OR6T1: variants seen among roughly 807,000 people sequenced by gnomAD.
OR6T1 encodes the protein olfactory receptor family 6 subfamily T member 1, also known as olfactory receptor 6T1.
For missense variants in OR6T1, 389 were observed against 390.5 expected, an observed-to-expected ratio of 1.00 and a Z score of 0.03; for synonymous variants, 179 against 159.1, an observed-to-expected ratio of 1.13 and a Z score of -0.94.
In OR6T1 at chr11:123,943,263, G is replaced by A. The variant is rs775846844; in HGVS notation, c.576C>T (p.Thr192=). 3 of 1,614,008 alleles carry A rather than the reference G, an allele frequency of 1.9e-6. No homozygotes were observed. Among genetic ancestry groups the A allele is most frequent in the African/African-American group, 1.3e-5 (1 of 74,914 alleles). ...TGAAAGCCACCAGTTTCAGCAGGTG[G>A]GTGTCCCCACAAGAAAGCCTGAGCA... ...WPLLRLSCGD[T]HLLKLVAFML... Residue 192 remains threonine (T), a synonymous_variant, in exon 1 of 1, where the codon ACC becomes ACT. Coordinates refer to ENST00000321252, the MANE Select transcript of OR6T1 (RefSeq NM_001005187.1).
In OR6T1 at chr11:123,943,212, G is replaced by T. The variant is rs147156630; in HGVS notation, c.627C>A (p.Gly209=). 1.2e-6 allele frequency: 2 copies of T among 1,614,166 alleles called. No homozygotes were observed. Among genetic ancestry groups the T allele is most frequent in the South Asian group, 2.2e-5 (2 of 91,080 alleles). Residue 209 remains glycine (G), a synonymous_variant, in exon 1 of 1, where the codon GGC becomes GGA. Transcript: ENST00000321252. The part of the protein sequence containing the change: ...AFMLSTLVLL[G]SLALTSVSYA... ...AGGAAACTGAGGTCAGAGCCAGTGA[G>T]CCCAGTAACACCAACGTAGAGAGCA...
Position 123,942,884 on chromosome 11 carries a change from T to A in OR6T1, c.955A>T (p.Thr319Ser), listed in dbSNP as rs746714272. Reference protein sequence around the residue: ...RLTAVMKLRVTSQRK With the variant: ...RLTAVMKLRVSSQRK Reference sequence around the variant, plus strand: ...TAATAAGATCATTTCCTTTGACTTGTGACCCTCAGTTTCATCACAGCAGTG... The same window carrying A: ...TAATAAGATCATTTCCTTTGACTTGAGACCCTCAGTTTCATCACAGCAGTG... The change falls in exon 1 of 1, where the codon ACA (threonine) becomes TCA (serine). Residue 319 changes from threonine (T) to serine (S), a missense_variant. Transcript: ENST00000321252. 2.5e-6 allele frequency: 4 copies of A among 1,613,574 alleles called. No homozygotes were observed. The highest frequency in any genetic ancestry group is 3.3e-5 in the Admixed American group (2 of 59,920).
In OR6T1 at chr11:123,943,116, G is replaced by C; in HGVS notation, c.723C>G (p.Cys241Trp). 1 of 1,613,992 alleles carries C rather than the reference G, an allele frequency of 6.2e-7. No individual in the cohort carries two copies. Among genetic ancestry groups the C allele is most frequent in the Non-Finnish European group, 8.5e-7 (1 of 1,179,972 alleles). ...TGACCACCACTGTAAGATGCGAGGCGCAAGTGGAAAACGCTTTCCTTCGCT... is the reference window on the plus strand; with the variant it reads ...TGACCACCACTGTAAGATGCGAGGCCCAAGTGGAAAACGCTTTCCTTCGCT... ...AAERRKAFST[C>W]ASHLTVVVII... Residue 241 changes from cysteine to tryptophan, a missense_variant, in exon 1 of 1, where the codon TGC becomes TGG. Coordinates refer to ENST00000321252, the MANE Select transcript of OR6T1 (RefSeq NM_001005187.1).
Position 123,943,051 on chromosome 11 carries a change from G to A in OR6T1, c.788C>T (p.Ser263Leu). 6 of 1,614,162 alleles carry A rather than the reference G, an allele frequency of 3.7e-6. No individual in the cohort carries two copies. Among genetic ancestry groups the A allele is most frequent in the Non-Finnish European group, 5.1e-6 (6 of 1,180,010 alleles). Reference protein sequence around the residue: ...GSSIFLYIRMSEAQSKLLNKG... With the variant: ...GSSIFLYIRMLEAQSKLLNKG... ...GTTGAGCAGTTTGGACTGAGCCTCT[G>A]ACATACGAATGTAGAGAAAGATGGA... The change falls in exon 1 of 1, where the codon TCA (serine) becomes TTA (leucine). Residue 263 changes from serine (S) to leucine (L), a missense_variant. Transcript: ENST00000321252.
At position 123,943,055 on chromosome 11, in the gene OR6T1, T is replaced by C; in HGVS notation, c.784A>G (p.Met262Val). The C allele has an allele frequency of 6.2e-7, 1 of 1,614,122 alleles. No individual in the cohort carries two copies. The highest frequency in any genetic ancestry group is 1.1e-5 in the South Asian group (1 of 91,080). The part of the protein sequence containing the change: ...YGSSIFLYIR[M>V]SEAQSKLLNK... ...AGCAGTTTGGACTGAGCCTCTGACA[T>C]ACGAATGTAGAGAAAGATGGAACTG... Residue 262 changes from methionine (M) to valine (V), a missense_variant, in exon 1 of 1, where the codon ATG (methionine) becomes GTG (valine). Transcript: ENST00000321252.
At position 123,943,779 on chromosome 11, in the gene OR6T1, G is replaced by A. The variant is rs1863492372; in HGVS notation, c.60C>T (p.Ser20=). 1.9e-6 allele frequency: 3 copies of A among 1,613,984 alleles called. No homozygotes were observed. The highest frequency in any genetic ancestry group is 2.5e-6 in the Non-Finnish European group (3 of 1,179,862). The change falls in exon 1 of 1, where the codon AGC becomes AGT. Residue 20 remains serine, a synonymous_variant. Coordinates refer to ENST00000321252, the MANE Select transcript of OR6T1 (RefSeq NM_001005187.1). ...GGAACACCAGGAACTGTATGAGGTGGCTACTGGGGAAACCCAGAAGGACAA... is the reference window on the plus strand; with the variant it reads ...GGAACACCAGGAACTGTATGAGGTGACTACTGGGGAAACCCAGAAGGACAA... ...TSFVLLGFPS[S]HLIQFLVFLG... is the part of the protein sequence containing the mutation.
chr11:123,943,198 G>A lies in OR6T1; in HGVS notation c.641C>T (p.Thr214Ile), dbSNP rs1863483445. Residue 214 changes from threonine to isoleucine, a missense_variant, in exon 1 of 1, where the codon ACC (threonine) becomes ATC (isoleucine). By Grantham distance (89) the Thr-to-Ile change is moderately conservative. Coordinates refer to ENST00000321252, the MANE Select transcript of OR6T1 (RefSeq NM_001005187.1). ...AAGAATGCAGGCATAGGAAACTGAG[G>A]TCAGAGCCAGTGAGCCCAGTAACAC... is the stretch of plus-strand genomic sequence containing the variant. ...TLVLLGSLALTSVSYACILAT... is the reference protein window; with the variant it reads ...TLVLLGSLALISVSYACILAT... The A allele has an allele frequency of 1.2e-6, 2 of 1,614,050 alleles. No homozygotes were observed. The highest frequency in any genetic ancestry group is 2.7e-5 in the African/African-American group (2 of 74,930).
In OR6T1 at chr11:123,943,128, C is replaced by T. The variant is rs114108710; in HGVS notation, c.711G>A (p.Ala237=). The part of the protein sequence containing the change: ...RAPTAAERRK[A]FSTCASHLTV... ...TAAGATGCGAGGCGCAAGTGGAAAA[C>T]GCTTTCCTTCGCTCAGCAGCTGTAG... Residue 237 remains alanine (A), a synonymous_variant, in exon 1 of 1, where the codon GCG becomes GCA. Coordinates refer to ENST00000321252, the MANE Select transcript of OR6T1 (RefSeq NM_001005187.1). 1.7e-3 allele frequency: 2,810 copies of T among 1,614,200 alleles called. 40 individuals are homozygous for T. In the African/African-American group the frequency reaches 0.029, roughly 17 times the overall value.
chr11:123,943,598 T>A lies in OR6T1; in HGVS notation c.241A>T (p.Met81Leu), dbSNP rs748838420. The change falls in exon 1 of 1, where the codon ATG becomes TTG. Residue 81 changes from methionine to leucine, a missense_variant. Coordinates refer to ENST00000321252, the MANE Select transcript of OR6T1 (RefSeq NM_001005187.1). Reference sequence around the variant, plus strand: ...TCCCCCGTGAGGATGACGACAAGCATCTTGGGAACCACAACAGTTACCAGC... The same window carrying A: ...TCCCCCGTGAGGATGACGACAAGCAACTTGGGAACCACAACAGTTACCAGC... ...LLLVTVVVPK[M>L]LVVILTGDHT... is the part of the protein sequence containing the mutation. 1.2e-6 allele frequency: 2 copies of A among 1,614,150 alleles called. No individual in the cohort carries two copies. The highest frequency in any genetic ancestry group is 1.7e-6 in the Non-Finnish European group (2 of 1,180,026).
chr11:123,943,139 G>T lies in OR6T1; in HGVS notation c.700C>A (p.Arg234=). ...TVLRAPTAAE[R]RKAFSTCASH... is the part of the protein sequence containing the mutation. ...GCGCAAGTGGAAAACGCTTTCCTTC[G>T]CTCAGCAGCTGTAGGGGCCCTGAGA... Residue 234 remains arginine (R), a synonymous_variant, in exon 1 of 1, where the codon CGA becomes AGA. Transcript: ENST00000321252. 6.2e-7 allele frequency: 1 copy of T among 1,614,176 alleles called. No individual in the cohort carries two copies. The highest frequency in any genetic ancestry group is 1.7e-5 in the Admixed American group (1 of 60,016).
rs551087134 is a variant in OR6T1 at position 123,943,293 on chromosome 11, C to G, written c.546G>C (p.Trp182Cys). The G allele has an allele frequency of 1.9e-6, 3 of 1,614,094 alleles. No homozygotes were observed. The African/African-American group carries it at 4.0e-5, about 22-fold the overall frequency. ...CCCCACAAGAAAGCCTGAGCAAGGG[C>G]CAACTGTCACGAAAGAAGTGGTCAA... is the stretch of plus-strand genomic sequence containing the variant. ...NGIDHFFRDS[W>C]PLLRLSCGDT... Residue 182 changes from tryptophan to cysteine, a missense_variant, in exon 1 of 1, where the codon TGG becomes TGC. Transcript: ENST00000321252.
In OR6T1 at chr11:123,943,345, CTGGCCATGAGGACAG is replaced by C. The variant is rs1478029610; in HGVS notation, c.479_493del (p.Thr160_Ala164del). The C allele has an allele frequency of 8.1e-6, 13 of 1,614,044 alleles. No individual in the cohort carries two copies. The highest frequency in any genetic ancestry group is 1.7e-5 in the Admixed American group (1 of 60,002). On this transcript the variant is annotated inframe_deletion, in exon 1 of 1. Coordinates refer to ENST00000321252, the MANE Select transcript of OR6T1 (RefSeq NM_001005187.1). Reference sequence around the variant, plus strand: ...ACCATTGGGGCCACAGAAAGGCAGGCTGGCCATGAGGACAGTGGGGCAAAGGACCCAGAGGAATCC... The same window carrying C: ...ACCATTGGGGCCACAGAAAGGCAGGCTGGGGCAAAGGACCCAGAGGAATCC...
rs7937317 is a variant in OR6T1 at position 123,943,088 on chromosome 11, T to C, written c.751A>G (p.Ile251Val). ...CASHLTVVVIIYGSSIFLYIR... is the reference protein window; with the variant it reads ...CASHLTVVVIVYGSSIFLYIR... ...TAGAGAAAGATGGAACTGCCATAGA[T>C]GATGACCACCACTGTAAGATGCGAG... The change falls in exon 1 of 1, where the codon ATC (isoleucine) becomes GTC (valine). Residue 251 changes from isoleucine (I) to valine (V), a missense_variant. Transcript: ENST00000321252. The C allele has an allele frequency of 0.018, 29,713 of 1,614,140 alleles. 1,749 individuals carry two copies. The highest frequency in any genetic ancestry group is 0.17 in the Admixed American group (10,028 of 60,016).
rs1472968304 is a variant in OR6T1 at position 123,943,695 on chromosome 11, G to A, written c.144C>T (p.Leu48=). The part of the protein sequence containing the change: ...TATGKLLIIV[L]SWIDQRLHIQ... The stretch of plus-strand genomic sequence containing the variant: ...TGTGCAGGCGTTGGTCTATCCAGCT[G>A]AGCACAATAATTAGCAGCTTGCCTG... Residue 48 remains leucine (L), a synonymous_variant, in exon 1 of 1, where the codon CTC becomes CTT. Transcript: ENST00000321252. 1.2e-6 allele frequency: 2 copies of A among 1,614,066 alleles called. No homozygotes were observed. Among genetic ancestry groups the A allele is most frequent in the Non-Finnish European group, 1.7e-6 (2 of 1,180,010 alleles).
Position 123,943,227 on chromosome 11 carries a change from C to A in OR6T1, c.612G>T (p.Thr204=), listed in dbSNP as rs561398890. 8.1e-6 allele frequency: 13 copies of A among 1,614,184 alleles called. No homozygotes were observed. Residue 204 remains threonine, a synonymous_variant, in exon 1 of 1, where the codon ACG becomes ACT. Transcript: ENST00000321252. ...GAGCCAGTGAGCCCAGTAACACCAACGTAGAGAGCATGAAAGCCACCAGTT... is the reference window on the plus strand; with the variant it reads ...GAGCCAGTGAGCCCAGTAACACCAAAGTAGAGAGCATGAAAGCCACCAGTT... The part of the protein sequence containing the change: ...LLKLVAFMLS[T]LVLLGSLALT...
chr11:123,943,339 G>A lies in OR6T1; in HGVS notation c.500C>T (p.Pro167Leu). The change falls in exon 1 of 1, where the codon CCT becomes CTT. Residue 167 changes from proline (P) to leucine (L), a missense_variant. Coordinates refer to ENST00000321252, the MANE Select transcript of OR6T1 (RefSeq NM_001005187.1). ...LCPTVLMASL[P>L]FCGPNGIDHF... ...GTCAATACCATTGGGGCCACAGAAA[G>A]GCAGGCTGGCCATGAGGACAGTGGG... 11 of 1,614,170 alleles carry A rather than the reference G, an allele frequency of 6.8e-6. No individual in the cohort carries two copies. The highest frequency in any genetic ancestry group is 9.3e-6 in the Non-Finnish European group (11 of 1,180,030).
Position 123,943,018 on chromosome 11 carries a change from G to A in OR6T1, c.821C>T (p.Ala274Val), listed in dbSNP as rs183374171. The change falls in exon 1 of 1, where the codon GCC (alanine) becomes GTC (valine). Residue 274 changes from alanine (A) to valine (V), a missense_variant. By Grantham distance (64) the Ala-to-Val change is moderately conservative. Coordinates refer to ENST00000321252, the MANE Select transcript of OR6T1 (RefSeq NM_001005187.1). Reference sequence around the variant, plus strand: ...TGTGATGATGCAGCTCAGGACGGAGGCACCTTTGTTGAGCAGTTTGGACTG... The same window carrying A: ...TGTGATGATGCAGCTCAGGACGGAGACACCTTTGTTGAGCAGTTTGGACTG... ...EAQSKLLNKG[A>V]SVLSCIITPL... 477 of 1,614,096 alleles carry A rather than the reference G, an allele frequency of 3.0e-4. 12 individuals are homozygous for A. In the Admixed American group the frequency reaches 7.7e-3, roughly 26 times the overall value.
chr11:123,943,737 G>A lies in OR6T1; in HGVS notation c.102C>T (p.Thr34=), dbSNP rs566613857. The A allele has an allele frequency of 3.1e-6, 5 of 1,614,014 alleles. No homozygotes were observed. Among genetic ancestry groups the A allele is most frequent in the Non-Finnish European group, 4.2e-6 (5 of 1,180,002 alleles). The part of the protein sequence containing the change: ...QFLVFLGLMV[T]YIVTATGKLL... ...GCTTGCCTGTGGCTGTTACAATGTAGGTCACCATTAACCCCAGGAACACCA... is the reference window on the plus strand; with the variant it reads ...GCTTGCCTGTGGCTGTTACAATGTAAGTCACCATTAACCCCAGGAACACCA... Residue 34 remains threonine, a synonymous_variant, in exon 1 of 1, where the codon ACC becomes ACT. Coordinates refer to ENST00000321252, the MANE Select transcript of OR6T1 (RefSeq NM_001005187.1).
Position 123,942,975 on chromosome 11 carries a change from G to A in OR6T1, c.864C>T (p.Phe288=). 6.2e-7 allele frequency: 1 copy of A among 1,614,160 alleles called. No individual in the cohort carries two copies. The highest frequency in any genetic ancestry group is 8.5e-7 in the Non-Finnish European group (1 of 1,180,018). Residue 288 remains phenylalanine, a synonymous_variant, in exon 1 of 1, where the codon TTC becomes TTT. Coordinates refer to ENST00000321252, the MANE Select transcript of OR6T1 (RefSeq NM_001005187.1). ...SCIITPLLNP[F]IFTLRNDKVQ... Reference sequence around the variant, plus strand: ...CCTTGTCATTGCGGAGAGTGAAGATGAATGGGTTCAAGAGGGGTGTGATGA... The same window carrying A: ...CCTTGTCATTGCGGAGAGTGAAGATAAATGGGTTCAAGAGGGGTGTGATGA...
Sources: allele counts gnomAD v4.1 joint callset, GRCh38; gene constraint gnomAD v4.1.1; transcripts MANE v1.5; gene names NCBI Gene and HGNC (gene_info 2026-07-23, HGNC 2026-07-21).